Variants in PDE9A observed in about 807,000 individuals in gnomAD.
PDE9A encodes the protein high affinity cGMP-specific 3',5'-cyclic phosphodiesterase 9A.
PDE9A carries 60 observed loss-of-function variants against 87.4 expected under a neutral mutation model. The observed-to-expected ratio is 0.69, with a 90% CI of 0.56 to 0.85. PDE9A has a LOEUF of 0.85. Ranked by LOEUF, PDE9A falls within the 40% of genes least tolerant of loss-of-function variation. PDE9A has a pLI of 0.00. For missense variants in PDE9A, 665 were observed against 779.0 expected (o/e 0.85, Z 1.74); for synonymous variants, 272 against 279.4 (o/e 0.97, Z 0.27).
At chr21:42,708,187 A>G (rs2048998481) in intron 4 of PDE9A, among the ~76,000 whole-genome samples, 1 of 152,214 alleles carries the variant, frequency 6.6e-6, no homozygotes, top group Non-Finnish European at 1.5e-5. Flanking sequence ...AAACAAAAAG[A>G]CTGCAGTGTA....
chr21:42,768,203 A>T lies in PDE9A; in HGVS notation c.1372A>T (p.Ile458Leu), dbSNP rs753768399. 3 of 1,607,774 alleles carry T rather than the reference A, an allele frequency of 1.9e-6. No homozygotes were observed. Among genetic ancestry groups the T allele is most frequent in the Non-Finnish European group, 2.6e-6 (3 of 1,174,098 alleles). ...CTTCTTTCAGCTGAAGATGATTTTG[A>T]TAAAATGCTGTGATATCTCTAACGA... is the stretch of plus-strand genomic sequence containing the variant. ...EHMTLLKMILIKCCDISNEVR... is the reference protein window; with the variant it reads ...EHMTLLKMILLKCCDISNEVR... Residue 458 changes from isoleucine to leucine, a missense_variant, in exon 16 of 20, where the codon ATA becomes TTA. Transcript: ENST00000291539.
chr21:42,765,004 TG>T (rs1382142119), intron 14 of PDE9A, among the ~76,000 whole-genome samples: 20 of 139,408 alleles, frequency 1.4e-4, no homozygotes, highest in Non-Finnish European at 2.3e-4. Flanking sequence ...GATGGATGGA[TG>T]GATGGATGGA....
intron 9 of PDE9A, among the ~76,000 whole-genome samples, chr21:42,752,646 G>A (rs2054557435): frequency 6.6e-6 from 1 of 152,188 alleles, no homozygotes; most frequent in Non-Finnish European, 1.5e-5. Flanking sequence ...CTGTCCCAGG[G>A]AGCCGTGAAG....
chr21:42,678,945 A>G (rs1053788928), intron 1 of PDE9A, among the ~76,000 whole-genome samples: 21 of 152,282 alleles, frequency 1.4e-4, no homozygotes, highest in African/African-American at 5.1e-4. Context: ...GATCAGAAGG[A>G]TCCTCCACTA....
At chr21:42,700,563 G>C (rs1019126812) in intron 4 of PDE9A, 2 of 152,296 alleles carry the variant, frequency 1.3e-5, no homozygotes, top group South Asian at 4.1e-4. Context: ...TGACAGCCAG[G>C]TAGGACCACG....
At chr21:42,762,768 C>T (rs931538594) in intron 14 of PDE9A, among the ~76,000 whole-genome samples, 3 of 152,176 alleles carry the variant, frequency 2.0e-5, no homozygotes, top group Non-Finnish European at 4.4e-5. Context: ...TCTCGGCTCA[C>T]TGCAACCTCC....
At chr21:42,728,305 G>A (rs1264777768) in intron 4 of PDE9A, among the ~76,000 whole-genome samples, 1 of 152,130 alleles carries the variant, frequency 6.6e-6, no homozygotes, top group Non-Finnish European at 1.5e-5. Context: ...AGACACCAAG[G>A]AACAACTGTA....
At chr21:42,664,446 C>A (rs1339216308) in intron 1 of PDE9A, among the ~76,000 whole-genome samples, 1 of 152,146 alleles carries the variant, frequency 6.6e-6, no homozygotes, top group Non-Finnish European at 1.5e-5. Context: ...AGGAGGCCAG[C>A]GAGGGGTTCT....
intron 4 of PDE9A, among the ~76,000 whole-genome samples, chr21:42,726,250 C>G (rs2051019617): frequency 6.6e-6 from 1 of 152,066 alleles, no homozygotes; most frequent in African/African-American, 2.4e-5. Context: ...TATTTTCTGC[C>G]ACACCGTAGC....
At chr21:42,669,263 C>A (rs938179320) in intron 1 of PDE9A, among the ~76,000 whole-genome samples, 1 of 152,118 alleles carries the variant, frequency 6.6e-6, no homozygotes, top group Admixed American at 6.5e-5. Flanking sequence ...CCGGAGATTC[C>A]CTTCCTTGCC....
At chr21:42,716,512 C>T (rs1263625188) in intron 4 of PDE9A, among the ~76,000 whole-genome samples, 1 of 151,622 alleles carries the variant, frequency 6.6e-6, no homozygotes, top group African/African-American at 2.4e-5. Flanking sequence ...CATATGCCTG[C>T]TTGCCATCTG....
chr21:42,706,723 A>T (rs1400114924), intron 4 of PDE9A, among the ~76,000 whole-genome samples: 1 of 151,998 alleles, frequency 6.6e-6, no homozygotes, highest in Non-Finnish European at 1.5e-5. Flanking sequence ...ATTTAATTCC[A>T]GAACATTTCC....
At chr21:42,655,329 C>T (rs1037414260) in intron 1 of PDE9A, among the ~76,000 whole-genome samples, 1 of 152,172 alleles carries the variant, frequency 6.6e-6, no homozygotes, top group South Asian at 2.1e-4. Flanking sequence ...GTAGCAGGTC[C>T]GTCCTAAGAA....
At chr21:42,771,991 C>T (rs916978496) in intron 18 of PDE9A, among the ~76,000 whole-genome samples, 20 of 152,214 alleles carry the variant, frequency 1.3e-4, no homozygotes, top group African/African-American at 4.8e-4. Context: ...GCTTCTGCCT[C>T]TCTCGTGGGC....
intron 3 of PDE9A, 126 bp downstream of exon 3, chr21:42,688,120 C>A (rs533026711): frequency 1.3e-6 from 1 of 790,670 alleles, no homozygotes; most frequent in Non-Finnish European, 2.2e-6. Context: ...AGATGGAGAG[C>A]GAGGGTAGGA....
intron 4 of PDE9A, among the ~76,000 whole-genome samples, chr21:42,714,738 CTTTGTTG>C (rs2049705350): frequency 1.4e-5 from 2 of 139,396 alleles, no homozygotes; most frequent in African/African-American, 5.3e-5. Flanking sequence ...CTCTACCAGT[CTTTGTTG>C]ATATGGTTGA....
chr21:42,735,922 G>A (rs1003087206), intron 7 of PDE9A, among the ~76,000 whole-genome samples: 4 of 152,180 alleles, frequency 2.6e-5, no homozygotes, highest in Admixed American at 2.6e-4. Context: ...CAAGCCCCAT[G>A]TCGCAGGGAA....
chr21:42,725,890 T>C (rs918253863), intron 4 of PDE9A, among the ~76,000 whole-genome samples: 1 of 152,178 alleles, frequency 6.6e-6, no homozygotes, highest in Non-Finnish European at 1.5e-5. Context: ...GTTTTTTCTG[T>C]CTTTTGAAGA....
rs907645180 is a variant in PDE9A, at chr21:42,659,597, G to A, written c.69+5714G>A. 6.6e-6 allele frequency among the ~76,000 whole-genome samples: 1 copy of A among 152,222 alleles called. No individual in the cohort carries two copies. Among genetic ancestry groups the A allele is most frequent in the Admixed American group, 6.5e-5 (1 of 15,282 alleles). The stretch of plus-strand genomic sequence containing the variant: ...CTGGGCACAGCATAGCCCCCATGAC[G>A]CTTCTCTCATCCTGGACCCATCAGC... On this transcript the variant is annotated intron_variant, in intron 1 of 19. Coordinates refer to ENST00000291539, the MANE Select transcript of PDE9A (RefSeq NM_002606.3). This position sits in a 1 kb window ranked among gnomAD's most constrained non-coding sequence, Gnocchi z 4.1.
Sources: gnomAD v4.1 joint callset for allele counts (sites outside exome capture counted in the v4.1 genomes callset) on GRCh38, gnomAD v4.1.1 for gene constraint, Gnocchi (gnomAD v3.1) non-coding constraint, MANE v1.5 for transcripts, NCBI Gene and HGNC (gene_info 2026-07-23, HGNC 2026-07-21) for gene names.